Variants in LRP1B observed in about 807,000 individuals in gnomAD.
LRP1B encodes the protein LDL receptor related protein 1B, also known as low-density lipoprotein receptor-related protein 1B.
A neutral mutation model predicts 556.6 loss-of-function variants in LRP1B; 217 were observed. That is an observed-to-expected ratio of 0.39 (90% CI 0.35 to 0.44). The LOEUF (loss-of-function observed/expected upper bound fraction) is 0.44, where lower values mean the gene tolerates loss of function less well. Ranked by LOEUF, LRP1B falls within the 20% of genes least tolerant of loss-of-function variation. The pLI is 1.00. For missense variants in LRP1B, 5,053 were observed against 5,620.8 expected, an observed-to-expected ratio of 0.90 and a Z score of 3.23; for synonymous variants, 2,047 against 1,865.8, an observed-to-expected ratio of 1.10 and a Z score of -2.50.
At chr2:140,583,869 T>C (rs1273371115) in intron 43 of LRP1B, among the ~76,000 whole-genome samples, 1 of 152,152 alleles carries the variant, frequency 6.6e-6, no homozygotes, top group Non-Finnish European at 1.5e-5. Context: ...TGCTAAACAG[T>C]TTTGTTCTCT....
intron 83 of LRP1B, among the ~76,000 whole-genome samples, chr2:140,314,229 T>C (rs1472890751): frequency 6.6e-6 from 1 of 152,036 alleles, no homozygotes; most frequent in African/African-American, 2.4e-5. Context: ...TAATATCCCT[T>C]GCACTAAATA....
At chr2:142,106,695 T>C (rs1332722038) in intron 1 of LRP1B, among the ~76,000 whole-genome samples, 1 of 152,174 alleles carries the variant, frequency 6.6e-6, no homozygotes, top group Non-Finnish European at 1.5e-5. Flanking sequence ...AGCAATTTAA[T>C]ATGAGGTTAA....
At chr2:141,652,922 C>A (rs1574198110) in intron 2 of LRP1B, among the ~76,000 whole-genome samples, 1 of 152,072 alleles carries the variant, frequency 6.6e-6, no homozygotes, top group South Asian at 2.1e-4. Flanking sequence ...TGCTAAGGAC[C>A]ACTGCACCCA....
intron 2 of LRP1B, among the ~76,000 whole-genome samples, chr2:141,723,261 TG>T (rs142488929): frequency 0.13 from 18,909 of 147,744 alleles, 1,454 homozygotes; most frequent in East Asian, 0.25. Context: ...TTGTTTCTTT[TG>T]TTTTTTTCAC....
intron 2 of LRP1B, among the ~76,000 whole-genome samples, chr2:141,551,202 T>G (rs746520678): frequency 6.6e-6 from 1 of 152,024 alleles, no homozygotes; most frequent in Non-Finnish European, 1.5e-5. Context: ...ATAATTGTGA[T>G]AATTGAAATA....
At chr2:141,262,756 T>C (rs1684744138) in intron 3 of LRP1B, among the ~76,000 whole-genome samples, 1 of 152,152 alleles carries the variant, frequency 6.6e-6, no homozygotes, top group South Asian at 2.1e-4. Flanking sequence ...CCCTTATGTT[T>C]CGTTAATCTG....
At chr2:140,997,098 C>A (rs900901102) in intron 15 of LRP1B, among the ~76,000 whole-genome samples, 1 of 151,802 alleles carries the variant, frequency 6.6e-6, no homozygotes, top group Non-Finnish European at 1.5e-5. Context: ...TATGATCTCA[C>A]CAATAAAAAA....
At chr2:141,013,953 T>C (rs529633846) in intron 13 of LRP1B, among the ~76,000 whole-genome samples, 2 of 152,214 alleles carry the variant, frequency 1.3e-5, no homozygotes, top group South Asian at 4.1e-4. Context: ...ATCTATTTTA[T>C]CTAAACCATT....
At chr2:140,518,227 T>C (rs1690002697) in intron 49 of LRP1B, among the ~76,000 whole-genome samples, 2 of 152,140 alleles carry the variant, frequency 1.3e-5, no homozygotes, top group African/African-American at 2.4e-5. Context: ...TGAAAATATA[T>C]TTTTTGAGTG....
intron 7 of LRP1B, among the ~76,000 whole-genome samples, chr2:141,114,831 T>C (rs1558870135): frequency 6.6e-6 from 1 of 151,856 alleles, no homozygotes; most frequent in Non-Finnish European, 1.5e-5. Flanking sequence ...GGTGCGTCCA[T>C]ATGTGCACAT....
intron 20 of LRP1B, among the ~76,000 whole-genome samples, chr2:140,924,487 G>A (rs1190364041): frequency 2.6e-5 from 4 of 151,968 alleles, no homozygotes; most frequent in Non-Finnish European, 5.9e-5. Flanking sequence ...GTTCAAGATG[G>A]ACTTGACCAT....
intron 6 of LRP1B, among the ~76,000 whole-genome samples, chr2:141,203,536 A>G (rs1299031791): frequency 6.6e-6 from 1 of 152,058 alleles, no homozygotes; most frequent in African/African-American, 2.4e-5. Context: ...ATCATAAAGC[A>G]AGTTTTTAGA....
chr2:141,380,643 T>C (rs983690028), intron 3 of LRP1B, among the ~76,000 whole-genome samples: 1 of 152,142 alleles, frequency 6.6e-6, no homozygotes, highest in African/African-American at 2.4e-5. Flanking sequence ...TAAACACATG[T>C]GCATGTATTT....
At position 141,620,119 on chromosome 2, in the gene LRP1B, T is replaced by A. The variant is rs142262117; in HGVS notation, c.206-139586A>T. On this transcript the variant is annotated intron_variant, in intron 2 of 90. Transcript: ENST00000389484. ...AGGCAGATGCCACCATGCCCAGCTA[T>A]TTAAAAAAGAAAATATAGAGATGGG... 3.5e-3 allele frequency among the ~76,000 whole-genome samples: 540 copies of A among 152,220 alleles called. 4 individuals carry two copies. The highest frequency in any genetic ancestry group is 0.012 in the African/African-American group (516 of 41,532).
intron 27 of LRP1B, among the ~76,000 whole-genome samples, chr2:140,867,099 G>A (rs1266933438): frequency 6.6e-6 from 1 of 152,034 alleles, no homozygotes; most frequent in Non-Finnish European, 1.5e-5. Flanking sequence ...TGAGAATTAG[G>A]ATAGGAACAC....
intron 2 of LRP1B, among the ~76,000 whole-genome samples, chr2:141,732,949 C>T (rs1320043472): frequency 6.6e-6 from 1 of 152,032 alleles, no homozygotes; most frequent in African/African-American, 2.4e-5. Context: ...CATCACTGAT[C>T]ACATACTATT....
intron 31 of LRP1B, 110 bp downstream of exon 31, chr2:140,839,881 T>A: frequency 1.4e-6 from 1 of 726,536 alleles, no homozygotes; most frequent in Non-Finnish European, 2.3e-6. Flanking sequence ...CTGAATTTAC[T>A]TATTTTACTA....
intron 41 of LRP1B, among the ~76,000 whole-genome samples, chr2:140,645,284 AT>A (rs1684439318): frequency 6.6e-6 from 1 of 152,032 alleles, no homozygotes; most frequent in Admixed American, 6.6e-5. Flanking sequence ...ATAAATGTAT[AT>A]TTATTATATA....
At chr2:141,769,810 T>C (rs1448741052) in intron 2 of LRP1B, among the ~76,000 whole-genome samples, 2 of 65,598 alleles carry the variant, frequency 3.0e-5, no homozygotes, top group Non-Finnish European at 6.6e-5. Flanking sequence ...TACTATACGC[T>C]GGGGTTACTG....
Sources: gnomAD v4.1 joint callset for allele counts (sites outside exome capture counted in the v4.1 genomes callset) on GRCh38, gnomAD v4.1.1 for gene constraint, MANE v1.5 for transcripts, NCBI Gene and HGNC (gene_info 2026-07-23, HGNC 2026-07-21) for gene names.